CBX2: variants seen among roughly 807,000 people sequenced by gnomAD.
CBX2 encodes chromobox 2.
In CBX2, 11 loss-of-function variants were observed where a neutral mutation model predicts 21.0. The observed-to-expected ratio is 0.52, with a 90% CI of 0.33 to 0.87. The LOEUF (loss-of-function observed/expected upper bound fraction) is 0.87, where lower values mean the gene tolerates loss of function less well. Ranked by LOEUF, CBX2 falls within the 40% of genes least tolerant of loss-of-function variation. CBX2 has a pLI of 0.02. For missense variants in CBX2, 746 were observed against 724.3 expected (o/e 1.03, Z -0.34); for synonymous variants, 364 against 304.6 (o/e 1.19, Z -2.03).
At chr17:79,779,496 G>T in intron 3 of CBX2, 69 bp downstream of exon 3, 1 of 1,419,018 alleles carries the variant, frequency 7.0e-7, no homozygotes, top group Non-Finnish European at 9.9e-7. Context: ...CGTGCTGGGC[G>T]CTGCTCGCCT....
In CBX2 at chr17:79,784,430, C is replaced by T. The variant is rs1568502616; in HGVS notation, c.987C>T (p.His329=). 5 of 1,611,976 alleles carry T rather than the reference C, an allele frequency of 3.1e-6. No homozygotes were observed. The highest frequency in any genetic ancestry group is 2.2e-5 in the East Asian group (1 of 44,854). ...QKVGNTGGPP[H]THGASRVPAG... is the part of the protein sequence containing the mutation. ...TGGGGAACACAGGGGGCCCCCCGCA[C>T]ACCCATGGTGCCAGCAGGGTGCCTG... The change falls in exon 5 of 5, where the codon CAC becomes CAT. Residue 329 remains histidine (H), a synonymous_variant. Coordinates refer to ENST00000310942, the MANE Select transcript of CBX2 (RefSeq NM_005189.3). The surrounding 1 kb of genome is among the most constrained non-coding windows in gnomAD (Gnocchi z 5.9).
At chr17:79,779,558 G>A (rs1477087224) in intron 3 of CBX2, 131 bp downstream of exon 3, 4 of 782,216 alleles carry the variant, frequency 5.1e-6, no homozygotes, top group Non-Finnish European at 8.8e-6. Flanking sequence ...GCAAGATTGT[G>A]TCCAGGGCCA....
rs138050382 is a variant in CBX2 at position 79,784,008 on chromosome 17, G to A, written c.565G>A (p.Ala189Thr). 337 of 1,613,300 alleles carry A rather than the reference G, an allele frequency of 2.1e-4. No homozygotes were observed. In the East Asian group the frequency reaches 5.4e-3, roughly 26 times the overall value. The change falls in exon 5 of 5, where the codon GCC becomes ACC. Residue 189 changes from alanine to threonine, a missense_variant. Physicochemically the swap from Ala to Thr is moderately conservative, Grantham distance 58. This residue lies in a region of CBX2 where 701 missense variants were observed against 650.7 expected (regional missense o/e 1.08). Coordinates refer to ENST00000310942, the MANE Select transcript of CBX2 (RefSeq NM_005189.3). This position sits in a 1 kb window ranked among gnomAD's most constrained non-coding sequence, Gnocchi z 5.9. ...PVSLAKVLKT[A>T]RKDLGAPASK... is the part of the protein sequence containing the mutation. ...GAGCCTGGCCAAGGTGCTGAAGACC[G>A]CCCGGAAGGATCTGGGGGCCCCGGC... is the stretch of plus-strand genomic sequence containing the variant.
In CBX2 at chr17:79,785,055, A is replaced by G. The variant is rs782469520; in HGVS notation, c.*13A>G. 14 of 1,593,950 alleles carry G rather than the reference A, an allele frequency of 8.8e-6. No individual in the cohort carries two copies. The highest frequency in any genetic ancestry group is 1.2e-5 in the Non-Finnish European group (14 of 1,175,192). On this transcript the variant is annotated 3_prime_UTR_variant, in exon 5 of 5. Coordinates refer to ENST00000310942, the MANE Select transcript of CBX2 (RefSeq NM_005189.3). Reference sequence around the variant, plus strand: ...GAGGCATTACTGAAGCCCCGGCGCCACCAGCTGCGCGGTCTTACTCCCCTT... The same window carrying G: ...GAGGCATTACTGAAGCCCCGGCGCCGCCAGCTGCGCGGTCTTACTCCCCTT...
intron 2 of CBX2, 144 bp from the exon 3 acceptor site, chr17:79,779,218 G>T: frequency 1.3e-6 from 1 of 799,248 alleles, no homozygotes; most frequent in Non-Finnish European, 2.2e-6. Flanking sequence ...ACCTGGGTTT[G>T]GACTTTGAGA....
intron 2 of CBX2, 141 bp from the exon 3 acceptor site, chr17:79,779,221 C>G (rs1906975033): frequency 2.5e-6 from 2 of 814,110 alleles, no homozygotes; most frequent in Non-Finnish European, 4.2e-6. Flanking sequence ...TGGGTTTGGA[C>G]TTTGAGAAGT....
Position 79,787,701 on chromosome 17 carries a change from T to G in CBX2, c.*2659T>G, listed in dbSNP as rs1180254552. 6.6e-6 allele frequency: 1 copy of G among 152,272 alleles called. No individual in the cohort carries two copies. Among genetic ancestry groups the G allele is most frequent in the East Asian group, 1.9e-4 (1 of 5,204 alleles). The allele number at this position is 152,272 out of a possible 1,614,324, so 9.4% of individuals were successfully genotyped here. ...ATGGTGTGTGTGTGAAATGGTGTGT[T>G]AACCGCGTTTTGTTTGCTCCTGTAT... On this transcript the variant is annotated 3_prime_UTR_variant, in exon 5 of 5. Transcript: ENST00000310942.
rs1316746534 is a variant in CBX2 at position 79,784,568 on chromosome 17, C to T, written c.1125C>T (p.Ala375=). 75 of 1,612,556 alleles carry T rather than the reference C, an allele frequency of 4.7e-5. No homozygotes were observed. The highest frequency in any genetic ancestry group is 6.3e-5 in the Non-Finnish European group (74 of 1,179,940). The change falls in exon 5 of 5, where the codon GCC becomes GCT. Residue 375 remains alanine, a synonymous_variant. Transcript: ENST00000310942. This position sits in a 1 kb window ranked among gnomAD's most constrained non-coding sequence, Gnocchi z 5.9. ...GGGTGGGTCTCCTTGCCCGCCACGC[C>T]ACCGCCACCAAGGGTGTCCCGGCCA... ...MPGVGLLARH[A]TATKGVPATN... is the part of the protein sequence containing the mutation.
rs782458687 is a variant in CBX2, at chr17:79,779,446, C to G, written c.182+19C>G. The stretch of plus-strand genomic sequence containing the variant: ...AGAAGAAGTGAGGACGCTGACAGCA[C>G]TGGGGAGGGTGTGGGGGAGGGACGG... On this transcript the variant is annotated intron_variant, in intron 3 of 4. Transcript: ENST00000310942. 1.9e-6 allele frequency: 3 copies of G among 1,609,402 alleles called. No individual in the cohort carries two copies. The highest frequency in any genetic ancestry group is 2.5e-6 in the Non-Finnish European group (3 of 1,177,076).
chr17:79,777,720 C>A (rs1265527495), upstream of CBX2, among the ~76,000 whole-genome samples: 18 of 152,206 alleles, frequency 1.2e-4, no homozygotes, highest in East Asian at 2.7e-3. Flanking sequence ...GGAGCAGCGC[C>A]CCTCGAAGGC....
chr17:79,784,106 C>T lies in CBX2; in HGVS notation c.663C>T (p.Ala221=). 6.2e-7 allele frequency: 1 copy of T among 1,611,812 alleles called. No homozygotes were observed. The highest frequency in any genetic ancestry group is 2.2e-5 in the East Asian group (1 of 44,850). Residue 221 remains alanine, a synonymous_variant, in exon 5 of 5, where the codon GCC becomes GCT. Transcript: ENST00000310942. The surrounding 1 kb of genome is among the most constrained non-coding windows in gnomAD (Gnocchi z 5.9). ...CTCTGAAGGCCCACGCCAAGGAGGC[C>T]TGTGGCGGCCCCAGTGCCATGGCCA... ...LAALKAHAKE[A]CGGPSAMATP...
chr17:79,777,844 C>G (rs1453229400), upstream of CBX2, among the ~76,000 whole-genome samples: 1 of 150,494 alleles, frequency 6.6e-6, no homozygotes, highest in Non-Finnish European at 1.5e-5. Flanking sequence ...CCCCGGGAAT[C>G]ACGCGGGACT....
At position 79,784,825 on chromosome 17, in the gene CBX2, G is replaced by A; in HGVS notation, c.1382G>A (p.Gly461Asp). ...KAATLPEMSAGEESSSSDSDP... is the reference protein window; with the variant it reads ...KAATLPEMSADEESSSSDSDP... ...GCCACACTGCCAGAGATGAGCGCAG[G>A]TGAGGAGAGTAGCAGCTCGGACTCC... Residue 461 changes from glycine to aspartate, a missense_variant, in exon 5 of 5, where the codon GGT (glycine) becomes GAT (aspartate). Physicochemically the swap from Gly to Asp is moderately conservative, Grantham distance 94. Around this residue, in one of 2 missense-constraint regions of CBX2, gnomAD observed 701 missense variants for 650.7 expected, o/e 1.08. Transcript: ENST00000310942. This position sits in a 1 kb window ranked among gnomAD's most constrained non-coding sequence, Gnocchi z 5.9. The A allele has an allele frequency of 1.2e-6, 2 of 1,612,256 alleles. No homozygotes were observed. The highest frequency in any genetic ancestry group is 1.7e-6 in the Non-Finnish European group (2 of 1,179,578).
Position 79,784,693 on chromosome 17 carries a change from G to C in CBX2, c.1250G>C (p.Arg417Thr), listed in dbSNP as rs781922744. Residue 417 changes from arginine to threonine, a missense_variant, in exon 5 of 5, where the codon AGA (arginine) becomes ACA (threonine). By Grantham distance (71) the Arg-to-Thr change is moderately conservative. Transcript: ENST00000310942. The surrounding 1 kb of genome is among the most constrained non-coding windows in gnomAD (Gnocchi z 5.9). ...DTSKSEKLAS[R>T]AVAPPTPASK... ...AGCAAAAGTGAGAAGCTGGCTTCCA[G>C]AGCAGTGGCGCCACCCACCCCTGCC... 1.2e-6 allele frequency: 2 copies of C among 1,611,844 alleles called. No individual in the cohort carries two copies. The highest frequency in any genetic ancestry group is 1.7e-6 in the Non-Finnish European group (2 of 1,179,630).
chr17:79,778,386 C>G lies in CBX2; in HGVS notation c.75C>G (p.Gly25=). ...ECILSKRLRK[G]KLEYLVKWRG... Reference sequence around the variant, plus strand: ...CGGCCCCTCTTCTCTCCCCGCAGGGCAAGCTGGAGTACCTGGTCAAGTGGC... The same window carrying G: ...CGGCCCCTCTTCTCTCCCCGCAGGGGAAGCTGGAGTACCTGGTCAAGTGGC... The change falls in exon 2 of 5, where the codon GGC becomes GGG. Residue 25 remains glycine (G), a splice_region_variant and synonymous_variant. Coordinates refer to ENST00000310942, the MANE Select transcript of CBX2 (RefSeq NM_005189.3). The surrounding 1 kb of genome is among the most constrained non-coding windows in gnomAD (Gnocchi z 4.8). The G allele has an allele frequency of 6.3e-7, 1 of 1,582,400 alleles. No homozygotes were observed. Among genetic ancestry groups the G allele is most frequent in the Non-Finnish European group, 8.6e-7 (1 of 1,169,428 alleles).
At position 79,784,854 on chromosome 17, in the gene CBX2, C is replaced by T. The variant is rs141957173; in HGVS notation, c.1411C>T (p.Pro471Ser). 1 of 1,613,036 alleles carries T rather than the reference C, an allele frequency of 6.2e-7. No individual in the cohort carries two copies. Among genetic ancestry groups the T allele is most frequent in the Non-Finnish European group, 8.5e-7 (1 of 1,179,926 alleles). ...GGAGAGTAGCAGCTCGGACTCCGAC[C>T]CCGACTCCGCCTCGCCGCCCAGCAC... ...GEESSSSDSD[P>S]DSASPPSTGQ... The change falls in exon 5 of 5, where the codon CCC becomes TCC. Residue 471 changes from proline to serine, a missense_variant. Transcript: ENST00000310942. The surrounding 1 kb of genome is among the most constrained non-coding windows in gnomAD (Gnocchi z 5.9).
intron 3 of CBX2, among the ~76,000 whole-genome samples, chr17:79,781,197 A>G (rs1023276456): frequency 3.7e-4 from 57 of 152,328 alleles, no homozygotes; most frequent in African/African-American, 1.3e-3. Context: ...GTCATGTGCC[A>G]GCAGCCAGGC....
At chr17:79,781,131 C>A (rs782319143) in intron 3 of CBX2, among the ~76,000 whole-genome samples, 3 of 152,110 alleles carry the variant, frequency 2.0e-5, no homozygotes, top group Non-Finnish European at 4.4e-5. Context: ...TCTGTCATCT[C>A]CCTCAAGAGT....
In CBX2 at chr17:79,784,171, G is replaced by A; in HGVS notation, c.728G>A (p.Ser243Asn). 2 of 1,612,804 alleles carry A rather than the reference G, an allele frequency of 1.2e-6. No individual in the cohort carries two copies. Among genetic ancestry groups the A allele is most frequent in the Non-Finnish European group, 1.7e-6 (2 of 1,179,922 alleles). ...NLASLMKGMA[S>N]SPGRGGISWQ... ...GCCAGCCTAATGAAGGGCATGGCCA[G>A]TAGCCCCGGCCGGGGTGGCATCAGC... Residue 243 changes from serine (S) to asparagine (N), a missense_variant, in exon 5 of 5, where the codon AGT (serine) becomes AAT (asparagine). Ser to Asn is a conservative substitution (Grantham distance 46). Coordinates refer to ENST00000310942, the MANE Select transcript of CBX2 (RefSeq NM_005189.3). The surrounding 1 kb of genome is among the most constrained non-coding windows in gnomAD (Gnocchi z 5.9).
Sources: gnomAD v4.1 joint callset for allele counts (sites outside exome capture counted in the v4.1 genomes callset) on GRCh38, gnomAD v4.1.1 for gene constraint, gnomAD v4.1.1 regional missense constraint, Gnocchi (gnomAD v3.1) non-coding constraint, MANE v1.5 for transcripts, NCBI Gene and HGNC (gene_info 2026-07-23, HGNC 2026-07-21) for gene names.